RNF130: variants seen among roughly 807,000 people sequenced by gnomAD.
RNF130 encodes the protein ring finger protein 130.
Under a neutral mutation model 44.6 loss-of-function variants are expected in RNF130, and 21 were observed. The observed-to-expected ratio is 0.47, with a 90% CI of 0.33 to 0.68. RNF130 has a LOEUF of 0.68. RNF130 is among the 30% of genes least tolerant of loss of function. RNF130 has a pLI of 0.02. For synonymous variants in RNF130, 214 were observed against 210.4 expected (o/e 1.02, Z -0.15); for missense variants, 479 against 560.6 (o/e 0.85, Z 1.47).
chr5:179,934,259 G>A, intron 7 of RNF130: 1 of 156,212 alleles, frequency 6.4e-6, no homozygotes, highest in Non-Finnish European at 1.4e-5. Context: ...GTTCAGTCGT[G>A]GTAAATATAT....
chr5:179,972,143 C>T (rs2113709131), intron 5 of RNF130, among the ~76,000 whole-genome samples: 2 of 152,268 alleles, frequency 1.3e-5, no homozygotes, highest in East Asian at 1.9e-4. Flanking sequence ...GGAGTGGTTC[C>T]TTACTCCAGG....
chr5:179,942,085 ATTGAG>A (rs979799082), intron 7 of RNF130, among the ~76,000 whole-genome samples: 10 of 151,458 alleles, frequency 6.6e-5, no homozygotes, highest in East Asian at 1.9e-4. Context: ...ATTCCATTAA[ATTGAG>A]TTGAGTGGGA....
chr5:179,994,191 C>T (rs113076515), intron 3 of RNF130, among the ~76,000 whole-genome samples: 1 of 151,318 alleles, frequency 6.6e-6, no homozygotes, highest in Admixed American at 6.6e-5. Context: ...TTGGCTTATG[C>T]GGGCTCTTTT....
At chr5:179,933,837 T>G (rs1179401411) in intron 7 of RNF130, 4 of 782,304 alleles carry the variant, frequency 5.1e-6, no homozygotes, top group Non-Finnish European at 8.5e-6. Context: ...TTCCCTCCTG[T>G]GTGTTTTTGT....
intron 3 of RNF130, among the ~76,000 whole-genome samples, chr5:179,989,233 C>T (rs1214660737): frequency 6.6e-6 from 1 of 152,190 alleles, no homozygotes; most frequent in Non-Finnish European, 1.5e-5. Context: ...GAGTTAACCA[C>T]CCTCATGATT....
chr5:179,981,018 G>A (rs142463632), intron 3 of RNF130, among the ~76,000 whole-genome samples: 2 of 152,254 alleles, frequency 1.3e-5, no homozygotes, highest in East Asian at 1.9e-4. Context: ...GGGGAGGAAC[G>A]TCAGGGAAGG....
At chr5:179,987,516 T>C (rs1443709473) in intron 3 of RNF130, among the ~76,000 whole-genome samples, 1 of 152,210 alleles carries the variant, frequency 6.6e-6, no homozygotes, top group Admixed American at 6.5e-5. Context: ...CTTCCAGCAC[T>C]ATGTGGAACA....
intron 2 of RNF130, among the ~76,000 whole-genome samples, chr5:180,018,335 G>A (rs1447791239): frequency 6.6e-6 from 1 of 151,970 alleles, no homozygotes; most frequent in African/African-American, 2.4e-5. Flanking sequence ...AAGAAAAGAG[G>A]TTTAATTGAC....
chr5:179,981,739 G>C (rs963486419), intron 3 of RNF130, among the ~76,000 whole-genome samples: 2 of 152,118 alleles, frequency 1.3e-5, no homozygotes, highest in South Asian at 2.1e-4. Context: ...AATTTCCCTA[G>C]GTGTTTACAG....
intron 5 of RNF130, among the ~76,000 whole-genome samples, chr5:179,973,442 C>T (rs1457020461): frequency 2.0e-5 from 3 of 152,338 alleles, no homozygotes; most frequent in Admixed American, 2.0e-4. Context: ...CTACAACAGT[C>T]TGGTGCTCGG....
chr5:180,057,526 T>C (rs545641962), intron 1 of RNF130, among the ~76,000 whole-genome samples: 5 of 151,934 alleles, frequency 3.3e-5, no homozygotes, highest in Non-Finnish European at 7.4e-5. Context: ...CCAGCCTGGG[T>C]GACAGAGCGA....
intron 2 of RNF130, among the ~76,000 whole-genome samples, chr5:180,023,354 G>C (rs952130866): frequency 2.0e-5 from 3 of 152,158 alleles, no homozygotes; most frequent in Non-Finnish European, 2.9e-5. Context: ...CCGGATCTTG[G>C]TTTTTAATAC....
intron 3 of RNF130, among the ~76,000 whole-genome samples, chr5:180,004,500 C>A (rs1763419600): frequency 6.6e-6 from 1 of 152,172 alleles, no homozygotes; most frequent in Non-Finnish European, 1.5e-5. Flanking sequence ...GTTCTTCCTC[C>A]ACTATAAAAT....
intron 3 of RNF130, among the ~76,000 whole-genome samples, chr5:180,012,765 A>T (rs984179965): frequency 8.5e-5 from 13 of 152,226 alleles, no homozygotes; most frequent in African/African-American, 2.4e-4. Context: ...TTACTGGTTT[A>T]AAAATGCAAC....
chr5:180,064,764 T>C (rs1765063502), intron 1 of RNF130, among the ~76,000 whole-genome samples: 1 of 151,934 alleles, frequency 6.6e-6, no homozygotes, highest in African/African-American at 2.4e-5. Flanking sequence ...TCTGTGTTTG[T>C]AGAGTCTCAA....
chr5:179,933,032 T>G (rs1761831893), intron 7 of RNF130, among the ~76,000 whole-genome samples: 1 of 152,098 alleles, frequency 6.6e-6, no homozygotes, highest in Non-Finnish European at 1.5e-5. Flanking sequence ...AAAATAATCA[T>G]AAGGTACAAA....
intron 7 of RNF130, chr5:179,920,548 G>A (rs1761613921): frequency 1.6e-6 from 1 of 613,352 alleles, no homozygotes; most frequent in South Asian, 1.9e-5. Context: ...TCCTTCATAA[G>A]GGGCTCTTAT....
intron 7 of RNF130, among the ~76,000 whole-genome samples, chr5:179,933,431 G>GT (rs1052703862): frequency 5.6e-3 from 64 of 11,504 alleles, no homozygotes; most frequent in Admixed American, 0.042. Flanking sequence ...TGAGTGTGTG[G>GT]TAAAAAGCAT....
At chr5:179,979,547 T>C (rs939705486) in intron 4 of RNF130, among the ~76,000 whole-genome samples, 1 of 152,088 alleles carries the variant, frequency 6.6e-6, no homozygotes, top group African/African-American at 2.4e-5. Flanking sequence ...ACTCTGAATG[T>C]AGGGGCAGCA....
Sources: allele counts gnomAD v4.1 joint callset (sites outside exome capture counted in the v4.1 genomes callset), GRCh38; gene constraint gnomAD v4.1.1; transcripts MANE v1.5; gene names NCBI Gene and HGNC (gene_info 2026-07-23, HGNC 2026-07-21).